RAP1A: variants seen among roughly 807,000 people sequenced by gnomAD.
The protein encoded by RAP1A is RAP1A, member of RAS oncogene family.
A neutral mutation model predicts 26.4 loss-of-function variants in RAP1A; 6 were observed. The observed-to-expected ratio is 0.23, with a 90% CI of 0.12 to 0.45. RAP1A has a LOEUF of 0.45. RAP1A is among the 20% of genes least tolerant of loss of function. The pLI, the probability that RAP1A is intolerant of heterozygous loss-of-function variation, is 0.99. For synonymous variants in RAP1A, 73 were observed against 79.4 expected (o/e 0.92, Z 0.43); for missense variants, 121 against 217.2 (o/e 0.56, Z 2.78).
intron 1 of RAP1A, among the ~76,000 whole-genome samples, chr1:111,646,581 C>T (rs1249375247): frequency 6.6e-6 from 1 of 151,952 alleles, no homozygotes; most frequent in African/African-American, 2.4e-5. Flanking sequence ...CACTCTGTCC[C>T]CTAGGCTGGA....
chr1:111,607,821 AC>A lies in RAP1A; in HGVS notation c.-28+65319del, dbSNP rs1156862172. Among the ~76,000 whole-genome samples, 17 of 76,076 alleles carry A rather than the reference AC, an allele frequency of 2.2e-4. No homozygotes were observed. In the East Asian group the frequency reaches 5.9e-3, roughly 26 times the overall value. The allele number at this position is 76,076 out of a possible 152,430, so 49.9% of individuals were successfully genotyped here. A position where few individuals can be genotyped will look rare whatever the true frequency, so the allele number is the denominator to read the frequency against. Reference sequence around the variant, plus strand: ...GGGCGGCTGGCCGGGCGGGGGGCTGACCCCCCCACCTCCCTCCCGGACGGGG... The same window carrying A: ...GGGCGGCTGGCCGGGCGGGGGGCTGACCCCCCACCTCCCTCCCGGACGGGG... On this transcript the variant is annotated intron_variant, in intron 1 of 7. Coordinates refer to the RAP1A transcript ENST00000356415.
intron 1 of RAP1A, among the ~76,000 whole-genome samples, chr1:111,582,896 G>A (rs1658285742): frequency 6.6e-6 from 1 of 152,192 alleles, no homozygotes; most frequent in South Asian, 2.1e-4. Flanking sequence ...CTAGGCCAGA[G>A]CCTGGTCTCC....
chr1:111,603,459 G>C (rs1392308860), intron 1 of RAP1A, among the ~76,000 whole-genome samples: 1 of 152,242 alleles, frequency 6.6e-6, no homozygotes, highest in Non-Finnish European at 1.5e-5. Flanking sequence ...ACTCTGAGAT[G>C]AAAGGTGCCA....
At chr1:111,651,751 A>G (rs1660278983) in intron 1 of RAP1A, among the ~76,000 whole-genome samples, 1 of 152,046 alleles carries the variant, frequency 6.6e-6, no homozygotes, top group Non-Finnish European at 1.5e-5. Flanking sequence ...TGCTGGGATT[A>G]CCAGCATGCG....
At chr1:111,566,159 C>A (rs913156492) in intron 1 of RAP1A, among the ~76,000 whole-genome samples, 1 of 152,084 alleles carries the variant, frequency 6.6e-6, no homozygotes, top group Admixed American at 6.6e-5. Context: ...AGGGAAGACA[C>A]CCAGCCAGCT....
chr1:111,663,688 T>G (rs1660705138), intron 1 of RAP1A, among the ~76,000 whole-genome samples: 1 of 152,234 alleles, frequency 6.6e-6, no homozygotes, highest in Non-Finnish European at 1.5e-5. Flanking sequence ...GGCATTAGTG[T>G]TAGACGACAC....
rs57681662 is a variant in RAP1A, at chr1:111,650,093, CTTTT to C, written c.-28+30181_-28+30184del. 5.0e-3 allele frequency among the ~76,000 whole-genome samples: 376 copies of C among 75,882 alleles called. 1 individual carries two copies. The highest frequency in any genetic ancestry group is 9.1e-3 in the Middle Eastern group (1 of 110). The allele number at this position is 75,882 out of a possible 152,430, so 49.8% of individuals were successfully genotyped here. ...GTAATATTTGTGGAGTGGTAGAGTG[CTTTT>C]TTTTTTTTTTTTTTTTTTTTTACAT... On this transcript the variant is annotated intron_variant, in intron 1 of 7. Coordinates refer to ENST00000369709, the MANE Select transcript of RAP1A (RefSeq NM_002884.4).
chr1:111,614,684 T>C (rs970880022), intron 1 of RAP1A, among the ~76,000 whole-genome samples: 5 of 152,186 alleles, frequency 3.3e-5, no homozygotes, highest in East Asian at 1.9e-4. Flanking sequence ...ATAAAGACTT[T>C]CTTTTTGAGG....
rs1037387712 is a variant in RAP1A, at chr1:111,691,427, C to T, written c.57+10C>T. ...TGGGAAGTCTGCTCTGGTAAGTTAGCCACCTAACTGTAACTGATTAATATA... is the reference window on the plus strand; with the variant it reads ...TGGGAAGTCTGCTCTGGTAAGTTAGTCACCTAACTGTAACTGATTAATATA... On this transcript the variant is annotated intron_variant, in intron 2 of 7. Transcript: ENST00000369709. 3 of 1,601,728 alleles carry T rather than the reference C, an allele frequency of 1.9e-6. No individual in the cohort carries two copies. Among genetic ancestry groups the T allele is most frequent in the Admixed American group, 1.7e-5 (1 of 59,972 alleles).
chr1:111,693,094 A>G (rs892835595), intron 2 of RAP1A, among the ~76,000 whole-genome samples: 7 of 152,346 alleles, frequency 4.6e-5, no homozygotes, highest in East Asian at 1.9e-4. Context: ...GAAAGTAGAT[A>G]GGATTGGAGG....
At chr1:111,607,915 G>C (rs1291374869) in intron 1 of RAP1A, among the ~76,000 whole-genome samples, 2 of 135,102 alleles carry the variant, frequency 1.5e-5, no homozygotes, top group African/African-American at 2.9e-5. Context: ...CGGGCAGAGG[G>C]GCTCCTCACT....
At chr1:111,688,603 A>G (rs952785204) in intron 1 of RAP1A, among the ~76,000 whole-genome samples, 1 of 151,962 alleles carries the variant, frequency 6.6e-6, no homozygotes, top group East Asian at 1.9e-4. Flanking sequence ...TACAGACGTG[A>G]GCCACCGTGC....
At chr1:111,710,726 G>A (rs1662356571) in intron 7 of RAP1A, among the ~76,000 whole-genome samples, 1 of 152,216 alleles carries the variant, frequency 6.6e-6, no homozygotes, top group Non-Finnish European at 1.5e-5. Flanking sequence ...GGAAAAATGG[G>A]CAGAAAGGAG....
At position 111,593,652 on chromosome 1, in the gene RAP1A, C is replaced by CTTTTTTTTT. The variant is rs994763442; in HGVS notation, c.-28+51162_-28+51170dup. 6.1e-4 allele frequency among the ~76,000 whole-genome samples: 40 copies of CTTTTTTTTT among 65,400 alleles called. 5 individuals are homozygous for CTTTTTTTTT. Among genetic ancestry groups the CTTTTTTTTT allele is most frequent in the Middle Eastern group, 0.014 (1 of 70 alleles). The allele number at this position is 65,400 out of a possible 152,430, so 42.9% of individuals were successfully genotyped here. ...CTGGCAGCTTAAGTTATGACTCCTA[C>CTTTTTTTTT]TTTTTTTTTTTTTTTTTTTTTTTTT... On this transcript the variant is annotated intron_variant, in intron 1 of 7. Transcript: ENST00000356415.
intron 1 of RAP1A, among the ~76,000 whole-genome samples, chr1:111,610,533 A>AAC (rs71099922): frequency 0.014 from 1,987 of 141,858 alleles, 27 homozygotes; most frequent in East Asian, 0.035. Context: ...CCCTCCACCC[A>AAC]ACACACACAC....
At chr1:111,556,499 C>G (rs1657498217) in intron 1 of RAP1A, among the ~76,000 whole-genome samples, 1 of 152,088 alleles carries the variant, frequency 6.6e-6, no homozygotes, top group Non-Finnish European at 1.5e-5. Context: ...GGAGGCAACC[C>G]AAATGTGTAT....
At chr1:111,645,861 G>A (rs1465475244) in intron 1 of RAP1A, among the ~76,000 whole-genome samples, 1 of 152,144 alleles carries the variant, frequency 6.6e-6, no homozygotes, top group Non-Finnish European at 1.5e-5. Flanking sequence ...GATCACCCTT[G>A]GAGTCGTGGG....
chr1:111,656,614 C>G (rs1199682608), intron 1 of RAP1A, among the ~76,000 whole-genome samples: 2 of 152,138 alleles, frequency 1.3e-5, no homozygotes, highest in Non-Finnish European at 2.9e-5. Flanking sequence ...TGGTCAAGTT[C>G]TCAGTCGCAT....
chr1:111,653,865 C>T (rs1222214819), intron 1 of RAP1A, among the ~76,000 whole-genome samples: 1 of 151,960 alleles, frequency 6.6e-6, no homozygotes, highest in Non-Finnish European at 1.5e-5. Context: ...TGAAATGCAC[C>T]TCAAAAGGCA....
Sources: allele counts gnomAD v4.1 joint callset (sites outside exome capture counted in the v4.1 genomes callset), GRCh38; gene constraint gnomAD v4.1.1; transcripts MANE v1.5; gene names NCBI Gene and HGNC (gene_info 2026-07-23, HGNC 2026-07-21).